PRG3: variants seen among roughly 807,000 people sequenced by gnomAD.
PRG3 encodes the protein proteoglycan 3.
Under a neutral mutation model 26.1 loss-of-function variants are expected in PRG3, and 25 were observed. That is an observed-to-expected ratio of 0.96 (90% CI 0.70 to 1.34). The LOEUF is 1.34. PRG3 is among the 40% of genes most tolerant of loss of function. The pLI is 0.00. For missense variants in PRG3, 280 were observed against 264.8 expected, an observed-to-expected ratio of 1.06 and a Z score of -0.40; for synonymous variants, 111 against 100.4, an observed-to-expected ratio of 1.11 and a Z score of -0.63.
chr11:57,377,048 A>G lies in PRG3; in HGVS notation c.620-140T>C, dbSNP rs570462365. ...AGCTGTGTGCTTGCCCCACATCCCT[A>G]CTGGCTCACATTTGCTGAGCTCTTA... On this transcript the variant is annotated intron_variant, in intron 5 of 5. Coordinates refer to ENST00000287143, the MANE Select transcript of PRG3 (RefSeq NM_006093.4). 3.7e-6 allele frequency: 3 copies of G among 806,488 alleles called. No individual in the cohort carries two copies. The East Asian group carries it at 7.7e-5, about 21-fold the overall frequency. 50.0% of individuals were successfully genotyped at this position (806,488 alleles called of 1,614,324 possible).
intron 3 of PRG3, 101 bp downstream of exon 3, chr11:57,379,393 G>C (rs1324072181): frequency 1.7e-6 from 2 of 1,198,450 alleles, no homozygotes; most frequent in East Asian, 4.7e-5. Flanking sequence ...TCTGATGCAT[G>C]CGAGGCTTTG....
Position 57,378,826 on chromosome 11 carries a change from C to T in PRG3, c.376-14G>A, listed in dbSNP as rs200245748. 1.2e-6 allele frequency: 2 copies of T among 1,612,774 alleles called. No homozygotes were observed. The highest frequency in any genetic ancestry group is 1.7e-6 in the Non-Finnish European group (2 of 1,179,310). Reference sequence around the variant, plus strand: ...GCTGCAGACATTCTGCAGACGGAAACAAAGTAGAGAATTCCCTCTCATTTA... The same window carrying T: ...GCTGCAGACATTCTGCAGACGGAAATAAAGTAGAGAATTCCCTCTCATTTA... On this transcript the variant is annotated splice_polypyrimidine_tract_variant and intron_variant, in intron 3 of 5. Transcript: ENST00000287143.
chr11:57,379,484 T>C lies in PRG3; in HGVS notation c.375+10A>G, dbSNP rs766294098. The C allele has an allele frequency of 6.3e-7, 1 of 1,599,100 alleles. No individual in the cohort carries two copies. The highest frequency in any genetic ancestry group is 8.5e-7 in the Non-Finnish European group (1 of 1,171,388). On this transcript the variant is annotated intron_variant, in intron 3 of 5. Transcript: ENST00000287143. ...CCCAGGTCCTCCGCAGTAGCCTCCC[T>C]ACTACTTACCTGAGCTTCTGCAAAA...
In PRG3 at chr11:57,380,782, C is replaced by T; in HGVS notation, c.-73-1G>A. ...TGTCTTTGTGTGTCTAGTATAGCCC[C>T]TGGCACATAGTATAGAGGGAATATT... On this transcript the variant is annotated splice_acceptor_variant, in intron 1 of 5. Coordinates refer to ENST00000287143, the MANE Select transcript of PRG3 (RefSeq NM_006093.4). LOFTEE classifies it low-confidence loss of function (5UTR_SPLICE). The T allele has an allele frequency of 2.8e-6, 3 of 1,058,452 alleles. No individual in the cohort carries two copies. The highest frequency in any genetic ancestry group is 4.0e-6 in the Non-Finnish European group (3 of 750,484). 65.6% of individuals were successfully genotyped at this position (1,058,452 alleles called of 1,614,324 possible).
chr11:57,379,533 G>A lies in PRG3; in HGVS notation c.336C>T (p.Tyr112=). The change falls in exon 3 of 6, where the codon TAC becomes TAT. Residue 112 remains tyrosine (Y), a synonymous_variant. Coordinates refer to ENST00000287143, the MANE Select transcript of PRG3 (RefSeq NM_006093.4). ...QGSPRCKICR[Y]LLVRTPKTFA... is the part of the protein sequence containing the mutation. ...AAGTTTTAGGAGTCCGCACCAATAG[G>A]TAGCGGCAGATCTTGCACCTTGGAC... 6.2e-7 allele frequency: 1 copy of A among 1,613,418 alleles called. No homozygotes were observed.
rs755860602 is a variant in PRG3, at chr11:57,379,594, C to T, written c.275G>A (p.Cys92Tyr). The change falls in exon 3 of 6, where the codon TGC (cysteine) becomes TAC (tyrosine). Residue 92 changes from cysteine to tyrosine, a missense_variant. Transcript: ENST00000287143. ...TTCAACAATGTCTTCTTCCCTGGGG[C>T]ACTGGAAGTCCTTGTCTAAGGCAGC... ...DPAALDKDFQ[C>Y]PREEDIVEVQ... The T allele has an allele frequency of 2.5e-6, 4 of 1,613,960 alleles. No individual in the cohort carries two copies. The Admixed American group carries it at 5.0e-5, about 20-fold the overall frequency.
At position 57,378,678 on chromosome 11, in the gene PRG3, T is replaced by C. The variant is rs1856968164; in HGVS notation, c.507+3A>G. 6 of 1,613,064 alleles carry C rather than the reference T, an allele frequency of 3.7e-6. No homozygotes were observed. Among genetic ancestry groups the C allele is most frequent in the African/African-American group, 1.3e-5 (1 of 75,054 alleles). ...TGCACCCAAGATTTGGCCCCTGACTTACCCAGCCCCTGAGGTTGCCTCCAA... is the reference window on the plus strand; with the variant it reads ...TGCACCCAAGATTTGGCCCCTGACTCACCCAGCCCCTGAGGTTGCCTCCAA... On this transcript the variant is annotated splice_donor_region_variant and intron_variant, in intron 4 of 5. Transcript: ENST00000287143.
In PRG3 at chr11:57,380,724, G is replaced by GC; in HGVS notation, c.-17dup. On this transcript the variant is annotated 5_prime_UTR_variant, in exon 2 of 6. Transcript: ENST00000287143. ...GGCATTGCATATCTACTGTCTTTTA[G>GC]CGAGGACACTACTCCACCGTCCTTC... is the stretch of plus-strand genomic sequence containing the variant. 1 of 1,523,872 alleles carries GC rather than the reference G, an allele frequency of 6.6e-7. No individual in the cohort carries two copies. Among genetic ancestry groups the GC allele is most frequent in the Non-Finnish European group, 8.8e-7 (1 of 1,136,868 alleles). 94.4% of individuals were successfully genotyped at this position (1,523,872 alleles called of 1,614,324 possible).
Position 57,380,673 on chromosome 11 carries a change from C to A in PRG3, c.36G>T (p.Leu12=). The A allele has an allele frequency of 6.3e-7, 1 of 1,578,054 alleles. No individual in the cohort carries two copies. Among genetic ancestry groups the A allele is most frequent in the Non-Finnish European group, 8.6e-7 (1 of 1,166,784 alleles). The part of the protein sequence containing the change: ...QCLLLLPFLL[L]GTVSALHLEN... ...CCAGATGAAGAGCAGAAACTGTTCC[C>A]AGCAGGAGAAAGGGCAGGAGCAAGA... The change falls in exon 2 of 6, where the codon CTG becomes CTT. Residue 12 remains leucine, a synonymous_variant. Transcript: ENST00000287143.
Position 57,380,769 on chromosome 11 carries a change from T to TC in PRG3, c.-62dup. ...TCCTTCTTGGGGCTGTCTTTGTGTG[T>TC]CTAGTATAGCCCCTGGCACATAGTA... On this transcript the variant is annotated 5_prime_UTR_variant, in exon 2 of 6. Transcript: ENST00000287143. 5 of 1,215,816 alleles carry TC rather than the reference T, an allele frequency of 4.1e-6. No individual in the cohort carries two copies. The South Asian group carries it at 7.8e-5, about 19-fold the overall frequency. 75.3% of individuals were successfully genotyped at this position (1,215,816 alleles called of 1,614,324 possible).
intron 3 of PRG3, among the ~76,000 whole-genome samples, chr11:57,379,261 AT>A (rs1418502371): frequency 6.6e-6 from 1 of 152,208 alleles, no homozygotes; most frequent in East Asian, 1.9e-4. Flanking sequence ...GACCAACAAT[AT>A]CATCATCACC....
chr11:57,379,819 A>C lies in PRG3; in HGVS notation c.62-12T>G, dbSNP rs749368595. 1.9e-6 allele frequency: 3 copies of C among 1,595,246 alleles called. No individual in the cohort carries two copies. Among genetic ancestry groups the C allele is most frequent in the Admixed American group, 3.4e-5 (2 of 58,358 alleles). On this transcript the variant is annotated splice_polypyrimidine_tract_variant and intron_variant, in intron 2 of 5. Coordinates refer to ENST00000287143, the MANE Select transcript of PRG3 (RefSeq NM_006093.4). ...GGGGGCATCATTCTCTGGGAAGAAG[A>C]GGTAACCTGCCATCAGGTCAAGAGC... is the stretch of plus-strand genomic sequence containing the variant.
Position 57,376,810 on chromosome 11 carries a change from G to A in PRG3, c.*40C>T, listed in dbSNP as rs765024882. 3.1e-6 allele frequency: 5 copies of A among 1,601,816 alleles called. No individual in the cohort carries two copies. The African/African-American group carries it at 5.4e-5, about 17-fold the overall frequency. On this transcript the variant is annotated 3_prime_UTR_variant, in exon 6 of 6. Coordinates refer to ENST00000287143, the MANE Select transcript of PRG3 (RefSeq NM_006093.4). ...GATTTATGAGCAGGAGAGGTTGGGG[G>A]ACGGGAGGGAGCTGCTGGCAGGGTC...
intron 5 of PRG3, among the ~76,000 whole-genome samples, chr11:57,377,305 C>T (rs1385084468): frequency 1.3e-5 from 2 of 152,186 alleles, no homozygotes; most frequent in Non-Finnish European, 2.9e-5. Flanking sequence ...AGCCACTATA[C>T]TAAACTCACA....
At position 57,380,694 on chromosome 11, in the gene PRG3, C is replaced by A; in HGVS notation, c.15G>T (p.Leu5Phe). 1 of 1,572,558 alleles carries A rather than the reference C, an allele frequency of 6.4e-7. No homozygotes were observed. The highest frequency in any genetic ancestry group is 8.6e-7 in the Non-Finnish European group (1 of 1,164,222). ...TTCCCAGCAGGAGAAAGGGCAGGAG[C>A]AAGAGGCATTGCATATCTACTGTCT... MQCL[L>F]LLPFLLLGTV... The change falls in exon 2 of 6, where the codon TTG becomes TTT. Residue 5 changes from leucine to phenylalanine, a missense_variant. Transcript: ENST00000287143.
rs1856980091 is a variant in PRG3, at chr11:57,379,731, C to T, written c.138G>A (p.Gln46=). Residue 46 remains glutamine, a synonymous_variant, in exon 3 of 6, where the codon CAG becomes CAA. Coordinates refer to ENST00000287143, the MANE Select transcript of PRG3 (RefSeq NM_006093.4). ...LGQDLDSSKE[Q]ERDLALTEEV... is the part of the protein sequence containing the mutation. ...CCTCCGTCAGAGCCAAGTCTCTCTC[C>T]TGCTCCTTTGAACTATCCAGATCCT... is the stretch of plus-strand genomic sequence containing the variant. 1 of 1,614,024 alleles carries T rather than the reference C, an allele frequency of 6.2e-7. No homozygotes were observed. The highest frequency in any genetic ancestry group is 8.5e-7 in the Non-Finnish European group (1 of 1,180,032).
intron 2 of PRG3, 146 bp downstream of exon 2, chr11:57,380,502 T>C (rs1856989412): frequency 1.6e-6 from 1 of 635,566 alleles, no homozygotes; most frequent in East Asian, 3.4e-5. Context: ...TGAGTCCAAG[T>C]GATATCTTAC....
chr11:57,377,906 G>A, intron 4 of PRG3, 70 bp from the exon 5 acceptor site: 3 of 1,298,984 alleles, frequency 2.3e-6, no homozygotes, highest in Non-Finnish European at 3.3e-6. Flanking sequence ...ACCCCCTGTT[G>A]ACTTCTCTCA....
At chr11:57,377,702 G>A (rs1856957952) in intron 5 of PRG3, 23 bp downstream of exon 5, 3 of 1,579,068 alleles carry the variant, frequency 1.9e-6, no homozygotes, top group Admixed American at 1.7e-5. Context: ...CCTTCTCCCT[G>A]CCCTGGTGCC....
Sources: gnomAD v4.1 joint callset for allele counts (sites outside exome capture counted in the v4.1 genomes callset) on GRCh38, gnomAD v4.1.1 for gene constraint, MANE v1.5 for transcripts, NCBI Gene and HGNC (gene_info 2026-07-23, HGNC 2026-07-21) for gene names.